NR2C2: variants seen among roughly 807,000 people sequenced by gnomAD.
NR2C2 encodes the protein Nuclear hormone receptor TR4.
A neutral mutation model predicts 62.9 loss-of-function variants in NR2C2; 6 were observed. That is an observed-to-expected ratio of 0.10 (90% CI 0.05 to 0.19). The LOEUF is 0.19. Ranked by LOEUF, NR2C2 falls within the 10% of genes least tolerant of loss-of-function variation. NR2C2 has a pLI of 1.00. For missense variants in NR2C2, 479 were observed against 762.7 expected (o/e 0.63, Z 4.38); for synonymous variants, 272 against 273.8 (o/e 0.99, Z 0.07).
chr3:14,974,351 GGTT>G (rs2040140334), intron 1 of NR2C2, among the ~76,000 whole-genome samples: 1 of 152,102 alleles, frequency 6.6e-6, no homozygotes, highest in African/African-American at 2.4e-5. Context: ...TCTTTTTCAA[GGTT>G]GTTCTGGTTG....
intron 12 of NR2C2, 199 bp from the exon 13 acceptor site, chr3:15,038,923 C>A: frequency 1.7e-6 from 1 of 573,190 alleles, no homozygotes; most frequent in Non-Finnish European, 3.1e-6. Context: ...GTCCCCGACC[C>A]GCTCCCAGGA....
At position 15,034,422 on chromosome 3, in the gene NR2C2, C is replaced by A. The variant is rs1039141044; in HGVS notation, c.1233-248C>A. 133 of 428,576 alleles carry A rather than the reference C, an allele frequency of 3.1e-4. 7 individuals carry two copies. The highest frequency in any genetic ancestry group is 2.4e-3 in the South Asian group (63 of 25,854). The allele number at this position is 428,576 out of a possible 1,614,324, so 26.5% of individuals were successfully genotyped here. The stretch of plus-strand genomic sequence containing the variant: ...ATGATGGTTTGGCCATACCTATTAA[C>A]ATTTTTTTATTATTTAAAGAATGTT... On this transcript the variant is annotated intron_variant, in intron 10 of 13. Coordinates refer to ENST00000425241, the MANE Select transcript of NR2C2 (RefSeq NM_001291694.2).
chr3:14,992,349 G>C (rs575950395), intron 1 of NR2C2, among the ~76,000 whole-genome samples: 1 of 152,204 alleles, frequency 6.6e-6, no homozygotes, highest in African/African-American at 2.4e-5. Context: ...TGCCAGGGCA[G>C]GTGTTGTGCT....
intron 1 of NR2C2, among the ~76,000 whole-genome samples, chr3:14,991,357 T>C (rs574259179): frequency 2.0e-4 from 30 of 152,332 alleles, no homozygotes; most frequent in Non-Finnish European, 3.8e-4. Flanking sequence ...CTGATGCAAG[T>C]TGCTGCACAA....
At chr3:14,985,083 T>C (rs1454729094) in intron 1 of NR2C2, among the ~76,000 whole-genome samples, 1 of 152,206 alleles carries the variant, frequency 6.6e-6, no homozygotes, top group African/African-American at 2.4e-5. Context: ...TACATCATCT[T>C]TGATGAAGTG....
At chr3:14,972,088 G>A in intron 1 of NR2C2, among the ~76,000 whole-genome samples, 1 of 150,602 alleles carries the variant, frequency 6.6e-6, no homozygotes, top group South Asian at 2.1e-4. Context: ...GGGATTACAG[G>A]CATGAGCCAC....
intron 1 of NR2C2, among the ~76,000 whole-genome samples, chr3:14,977,098 A>G (rs990204038): frequency 6.6e-6 from 1 of 152,148 alleles, no homozygotes. Flanking sequence ...TTTCAGAACA[A>G]CTAATTAGTT....
intron 13 of NR2C2, among the ~76,000 whole-genome samples, chr3:15,039,952 C>G (rs1462219837): frequency 2.0e-5 from 3 of 151,872 alleles, no homozygotes; most frequent in Admixed American, 1.3e-4. Flanking sequence ...AGTTCAAGAC[C>G]AGCCTGGCCA....
chr3:15,031,115 CT>C (rs907997388), intron 9 of NR2C2, among the ~76,000 whole-genome samples: 1 of 152,280 alleles, frequency 6.6e-6, no homozygotes, highest in South Asian at 2.1e-4. Flanking sequence ...CAGGCAGGCA[CT>C]TTTGTCTCTT....
intron 1 of NR2C2, among the ~76,000 whole-genome samples, chr3:14,967,525 T>G (rs750344961): frequency 7.2e-5 from 11 of 152,106 alleles, no homozygotes; most frequent in Non-Finnish European, 1.6e-4. Context: ...CTGTGAAATT[T>G]GATTTTAAAA....
chr3:14,977,962 AAG>A (rs1339571842), intron 1 of NR2C2, among the ~76,000 whole-genome samples: 23 of 146,010 alleles, frequency 1.6e-4, no homozygotes, highest in African/African-American at 5.3e-4. Context: ...AAAAAAAAAA[AAG>A]AAGAAGAAGA....
At position 15,023,335 on chromosome 3, in the gene NR2C2, A is replaced by G. The variant is rs761212595; in HGVS notation, c.692A>G (p.Lys231Arg). The change falls in exon 6 of 14, where the codon AAA becomes AGA. Residue 231 changes from lysine (K) to arginine (R), a missense_variant. This residue lies in a region of NR2C2 where 151 missense variants were observed against 176.1 expected (regional missense o/e 0.86). Transcript: ENST00000425241. ...LIATPTFVAD[K>R]DGARQTGLLD... ...GCTACTCCCACGTTTGTGGCAGACAAAGATGGAGCAAGGTCAGTCCCTTGT... is the reference window on the plus strand; with the variant it reads ...GCTACTCCCACGTTTGTGGCAGACAGAGATGGAGCAAGGTCAGTCCCTTGT... 3 of 1,614,008 alleles carry G rather than the reference A, an allele frequency of 1.9e-6. No homozygotes were observed. Among genetic ancestry groups the G allele is most frequent in the Admixed American group, 3.3e-5 (2 of 60,008 alleles).
At chr3:15,002,272 G>GT (rs540225383) in intron 1 of NR2C2, among the ~76,000 whole-genome samples, 12 of 152,028 alleles carry the variant, frequency 7.9e-5, no homozygotes, top group African/African-American at 2.7e-4. Context: ...TTTATTGAGT[G>GT]TTTTTTTCAT....
intron 1 of NR2C2, among the ~76,000 whole-genome samples, chr3:14,973,988 G>T (rs2040127692): frequency 3.3e-5 from 5 of 152,130 alleles, no homozygotes; most frequent in Admixed American, 3.3e-4. Context: ...GACCGTCTCT[G>T]TATACAGTTC....
intron 1 of NR2C2, among the ~76,000 whole-genome samples, chr3:14,972,625 A>G (rs900328148): frequency 1.3e-5 from 2 of 152,122 alleles, no homozygotes; most frequent in Non-Finnish European, 1.5e-5. Context: ...CCCTTATTAG[A>G]TTGTAGTAGT....
At chr3:15,004,113 T>A in intron 2 of NR2C2, 127 bp downstream of exon 2, 1 of 669,564 alleles carries the variant, frequency 1.5e-6, no homozygotes, top group Non-Finnish European at 2.4e-6. Flanking sequence ...CTTCATCAAT[T>A]CTTTAAAAAA....
intron 2 of NR2C2, among the ~76,000 whole-genome samples, chr3:15,006,046 AAAACTAAAAAATT>A (rs2041164503): frequency 1.3e-5 from 2 of 152,028 alleles, no homozygotes; most frequent in Non-Finnish European, 2.9e-5. Context: ...TCTCTACAAA[AAAACTAAAAAATT>A]AGCCAGACAT....
At chr3:15,019,286 G>A (rs2125012680) in intron 4 of NR2C2, among the ~76,000 whole-genome samples, 1 of 152,186 alleles carries the variant, frequency 6.6e-6, no homozygotes, top group Non-Finnish European at 1.5e-5. Flanking sequence ...TAGGGAGGAT[G>A]TGGAGAAAAG....
chr3:15,018,844 G>A (rs919625952), intron 4 of NR2C2, among the ~76,000 whole-genome samples: 1 of 151,588 alleles, frequency 6.6e-6, no homozygotes, highest in Non-Finnish European at 1.5e-5. Flanking sequence ...TGGTAAAACC[G>A]TCTCTACTAA....
Sources: gnomAD v4.1 joint callset for allele counts (sites outside exome capture counted in the v4.1 genomes callset) on GRCh38, gnomAD v4.1.1 for gene constraint, gnomAD v4.1.1 regional missense constraint, MANE v1.5 for transcripts, NCBI Gene and HGNC (gene_info 2026-07-23, HGNC 2026-07-21) for gene names.